Variants in TOM1L2 observed in about 807,000 individuals in gnomAD.
TOM1L2 encodes TOM1-like protein 2.
A neutral mutation model predicts 67.9 loss-of-function variants in TOM1L2; 31 were observed. That is an observed-to-expected ratio of 0.46 (90% CI 0.34 to 0.62). TOM1L2 has a LOEUF of 0.62. Among genes scored for constraint, TOM1L2 ranks in the 20% least tolerant of loss-of-function variants. The pLI is 0.01. For synonymous variants in TOM1L2, 256 were observed against 254.0 expected, an observed-to-expected ratio of 1.01 and a Z score of -0.07; for missense variants, 606 against 663.5, an observed-to-expected ratio of 0.91 and a Z score of 0.95.
chr17:17,879,083 AGT>A (rs2037578053), intron 7 of TOM1L2, among the ~76,000 whole-genome samples: 1 of 152,176 alleles, frequency 6.6e-6, no homozygotes, highest in Non-Finnish European at 1.5e-5. Context: ...GGGAATCCTC[AGT>A]GTTAGGGAAA....
chr17:17,880,294 A>G (rs952641857), intron 6 of TOM1L2, among the ~76,000 whole-genome samples: 1 of 152,132 alleles, frequency 6.6e-6, no homozygotes, highest in East Asian at 1.9e-4. Flanking sequence ...AGAACAGGGG[A>G]AGACGACAGG....
chr17:17,899,565 G>A (rs2038743785), intron 2 of TOM1L2, among the ~76,000 whole-genome samples: 1 of 152,218 alleles, frequency 6.6e-6, no homozygotes, highest in Non-Finnish European at 1.5e-5. Context: ...TGTAGGTCTT[G>A]TGTCTAACAT....
At chr17:17,881,114 C>A (rs551671147) in intron 6 of TOM1L2, among the ~76,000 whole-genome samples, 1 of 152,190 alleles carries the variant, frequency 6.6e-6, no homozygotes, top group Admixed American at 6.5e-5. Context: ...GAGACAGGGA[C>A]AGGAGACCTC....
intron 1 of TOM1L2, among the ~76,000 whole-genome samples, chr17:17,913,832 C>T (rs943045516): frequency 6.6e-6 from 1 of 152,148 alleles, no homozygotes; most frequent in African/African-American, 2.4e-5. Flanking sequence ...AACTTGGAAA[C>T]GAGGTTTCAT....
intron 7 of TOM1L2, 27 bp downstream of exon 7, chr17:17,879,600 G>C: frequency 6.3e-7 from 1 of 1,579,638 alleles, no homozygotes; most frequent in Non-Finnish European, 8.7e-7. Context: ...GCCACCACAG[G>C]CCAAGTGCTT....
chr17:17,866,222 GAA>G, intron 10 of TOM1L2, 72 bp downstream of exon 10: 1 of 1,492,430 alleles, frequency 6.7e-7, no homozygotes, highest in Non-Finnish European at 8.9e-7. Flanking sequence ...TTCCAAGAAA[GAA>G]AGAGAGGTGG....
Position 17,889,736 on chromosome 17 carries a change from C to T in TOM1L2, c.366+3925G>A, listed in dbSNP as rs190295829. Among the ~76,000 whole-genome samples, 13 of 152,352 alleles carry T rather than the reference C, an allele frequency of 8.5e-5. No homozygotes were observed. In the East Asian group the frequency reaches 2.5e-3, roughly 29 times the overall value. Reference sequence around the variant, plus strand: ...CCCCACTCCACCCCCAAGCCACAAACAGTCAAAAGCCAGTTTAAGTCCTTC... The same window carrying T: ...CCCCACTCCACCCCCAAGCCACAAATAGTCAAAAGCCAGTTTAAGTCCTTC... On this transcript the variant is annotated intron_variant, in intron 4 of 14. Coordinates refer to ENST00000379504, the MANE Select transcript of TOM1L2 (RefSeq NM_001082968.2).
intron 5 of TOM1L2, 70 bp downstream of exon 5, chr17:17,884,564 G>A (rs2037894384): frequency 6.3e-7 from 1 of 1,591,964 alleles, no homozygotes; most frequent in South Asian, 1.1e-5. Context: ...GCAGCAGAAG[G>A]GTGGCTGCAG....
chr17:17,933,468 T>C (rs145959115), intron 1 of TOM1L2, among the ~76,000 whole-genome samples: 2 of 152,284 alleles, frequency 1.3e-5, no homozygotes, highest in East Asian at 3.9e-4. Context: ...ATTGGGAGCC[T>C]GTGGAACAGT....
At chr17:17,864,410 CCG>C (rs2036729338) in intron 10 of TOM1L2, among the ~76,000 whole-genome samples, 3 of 151,422 alleles carry the variant, frequency 2.0e-5, no homozygotes, top group Non-Finnish European at 2.9e-5. Context: ...CAGGGTTTCA[CCG>C]TGCTAGCCAG....
intron 1 of TOM1L2, among the ~76,000 whole-genome samples, chr17:17,944,648 T>C (rs189381137): frequency 1.1e-3 from 174 of 152,350 alleles, no homozygotes; most frequent in Middle Eastern, 3.4e-3. Flanking sequence ...TGAAAATCTA[T>C]GAGCTAACAC....
chr17:17,953,985 T>C (rs541615323), intron 1 of TOM1L2, among the ~76,000 whole-genome samples: 1 of 152,358 alleles, frequency 6.6e-6, no homozygotes, highest in East Asian at 1.9e-4. Flanking sequence ...TGTTCATCTT[T>C]GAATTCAAAA....
intron 1 of TOM1L2, among the ~76,000 whole-genome samples, chr17:17,933,217 A>G (rs1294340781): frequency 6.6e-6 from 1 of 152,070 alleles, no homozygotes; most frequent in African/African-American, 2.4e-5. Flanking sequence ...GCAAGGCACC[A>G]CTGCTCTACC....
chr17:17,912,922 G>A (rs1014916402), intron 1 of TOM1L2, among the ~76,000 whole-genome samples: 17 of 152,226 alleles, frequency 1.1e-4, no homozygotes, highest in Non-Finnish European at 2.4e-4. Context: ...ACGAGACTCC[G>A]TCTGCAATCC....
intron 10 of TOM1L2, among the ~76,000 whole-genome samples, chr17:17,863,574 T>C (rs1220120056): frequency 6.6e-6 from 1 of 151,484 alleles, no homozygotes; most frequent in Non-Finnish European, 1.5e-5. Flanking sequence ...TTTTTTTTTT[T>C]TTTTTTTTTA....
At chr17:17,902,080 G>A (rs984138017) in intron 2 of TOM1L2, among the ~76,000 whole-genome samples, 1 of 152,222 alleles carries the variant, frequency 6.6e-6, no homozygotes, top group African/African-American at 2.4e-5. Context: ...GGAGGCTGAG[G>A]CAGGAGAATT....
Position 17,882,685 on chromosome 17 carries a change from G to A in TOM1L2, c.660+20C>T. 1 of 1,611,686 alleles carries A rather than the reference G, an allele frequency of 6.2e-7. No homozygotes were observed. Among genetic ancestry groups the A allele is most frequent in the Non-Finnish European group, 8.5e-7 (1 of 1,177,994 alleles). On this transcript the variant is annotated intron_variant, in intron 6 of 14. Coordinates refer to ENST00000379504, the MANE Select transcript of TOM1L2 (RefSeq NM_001082968.2). ...AGGATAGTCAGCTGGCTTGCCTATG[G>A]CCCCGAAGTATGCAAGTACCTGTTC...
At chr17:17,869,008 C>T in intron 8 of TOM1L2, 8 of 234,482 alleles carry the variant, frequency 3.4e-5, no homozygotes, top group East Asian at 8.8e-5. Flanking sequence ...GGAGCAGGTG[C>T]AGAAGCTCTG....
At chr17:17,964,188 G>A (rs556376499) in intron 1 of TOM1L2, among the ~76,000 whole-genome samples, 3 of 152,132 alleles carry the variant, frequency 2.0e-5, no homozygotes, top group African/African-American at 4.8e-5. Flanking sequence ...TTTAAAAGTC[G>A]CCTCTTTTAA....
Sources: gnomAD v4.1 joint callset for allele counts (sites outside exome capture counted in the v4.1 genomes callset) on GRCh38, gnomAD v4.1.1 for gene constraint, MANE v1.5 for transcripts, NCBI Gene and HGNC (gene_info 2026-07-23, HGNC 2026-07-21) for gene names.